The following GRM3 variants were observed in gnomAD, a reference collection of about 807,000 sequenced individuals.
GRM3 encodes the protein metabotropic glutamate receptor 3.
A neutral mutation model predicts 70.5 loss-of-function variants in GRM3; 26 were observed. That is an observed-to-expected ratio of 0.37 (90% CI 0.27 to 0.51). The LOEUF (loss-of-function observed/expected upper bound fraction) is 0.51, where lower values mean the gene tolerates loss of function less well. Ranked by LOEUF, GRM3 falls within the 20% of genes least tolerant of loss-of-function variation. GRM3 has a pLI of 0.93. For missense variants in GRM3, 859 were observed against 1,123.8 expected (o/e 0.76, Z 3.37); for synonymous variants, 443 against 434.9 (o/e 1.02, Z -0.23).
intron 2 of GRM3, among the ~76,000 whole-genome samples, chr7:86,771,575 T>G (rs1796742585): frequency 6.6e-6 from 1 of 152,150 alleles, no homozygotes; most frequent in African/African-American, 2.4e-5. Context: ...AGAACATTAT[T>G]CTATAGAACA....
At chr7:86,714,318 C>T (rs906912826) in intron 1 of GRM3, among the ~76,000 whole-genome samples, 5 of 152,052 alleles carry the variant, frequency 3.3e-5, no homozygotes, top group Admixed American at 2.0e-4. Flanking sequence ...CCCTGTGCTA[C>T]GTAAACCTTG....
chr7:86,768,288 T>C (rs1168012266), intron 2 of GRM3, among the ~76,000 whole-genome samples: 3 of 152,142 alleles, frequency 2.0e-5, no homozygotes, highest in Non-Finnish European at 4.4e-5. Flanking sequence ...TGGAAAGCCA[T>C]ATCGAAAGCT....
chr7:86,814,557 T>C (rs559186224), intron 3 of GRM3, among the ~76,000 whole-genome samples: 1 of 151,956 alleles, frequency 6.6e-6, no homozygotes, highest in Non-Finnish European at 1.5e-5. Flanking sequence ...CTTGAAGATA[T>C]AAAGCTAACT....
intron 1 of GRM3, among the ~76,000 whole-genome samples, chr7:86,667,191 G>A (rs1794049954): frequency 1.3e-5 from 2 of 152,062 alleles, no homozygotes; most frequent in South Asian, 4.1e-4. Context: ...TAACAATGCA[G>A]TACTTGCACA....
At chr7:86,743,040 T>C (rs1418369560) in intron 1 of GRM3, among the ~76,000 whole-genome samples, 1 of 152,168 alleles carries the variant, frequency 6.6e-6, no homozygotes, top group Admixed American at 6.6e-5. Flanking sequence ...AAATATCATC[T>C]GATTCATAAA....
At chr7:86,736,103 T>C (rs1795850936) in intron 1 of GRM3, among the ~76,000 whole-genome samples, 1 of 152,168 alleles carries the variant, frequency 6.6e-6, no homozygotes, top group South Asian at 2.1e-4. Flanking sequence ...TCAAATTCTG[T>C]CTGAAATGTA....
chr7:86,784,721 T>C (rs1307224282), intron 2 of GRM3: 1 of 152,212 alleles, frequency 6.6e-6, no homozygotes, highest in African/African-American at 2.4e-5. Flanking sequence ...TTCACCTCCA[T>C]TCCCCTGGAT....
rs185919851 is a variant in GRM3 at position 86,809,569 on chromosome 7, G to A, written c.1324+22453G>A. 5.1e-4 allele frequency among the ~76,000 whole-genome samples: 77 copies of A among 152,024 alleles called. No individual in the cohort carries two copies. In the East Asian group the frequency reaches 0.013, roughly 25 times the overall value. On this transcript the variant is annotated intron_variant, in intron 3 of 5. Transcript: ENST00000361669. The stretch of plus-strand genomic sequence containing the variant: ...AGCAAGGTGGCCTACTTCTTTCCCC[G>A]TAATAATTTATTATTAATGATAGGA...
intron 1 of GRM3, among the ~76,000 whole-genome samples, chr7:86,673,150 G>T (rs1034313443): frequency 2.0e-5 from 3 of 152,018 alleles, no homozygotes; most frequent in Non-Finnish European, 4.4e-5. Context: ...TTACATCAAA[G>T]GCATGACTGA....
At chr7:86,853,347 G>A (rs1207484784) in intron 5 of GRM3, among the ~76,000 whole-genome samples, 1 of 152,150 alleles carries the variant, frequency 6.6e-6, no homozygotes, top group African/African-American at 2.4e-5. Flanking sequence ...ATGGAATTGA[G>A]TTCTGTGTAT....
In GRM3 at chr7:86,834,600, T is replaced by A. The variant is rs201787328; in HGVS notation, c.1325-4239T>A. On this transcript the variant is annotated intron_variant, in intron 3 of 5. Coordinates refer to ENST00000361669, the MANE Select transcript of GRM3 (RefSeq NM_000840.3). The stretch of plus-strand genomic sequence containing the variant: ...TGCTTTCTCCATTTTTTTTTTTTTT[T>A]ATTTTCTGGTTGTTTTAGTCTCTTT... Among the ~76,000 whole-genome samples, 64 of 151,192 alleles carry A rather than the reference T, an allele frequency of 4.2e-4. 1 individual carries two copies. The East Asian group carries it at 8.5e-3, about 20-fold the overall frequency.
At chr7:86,747,915 A>G (rs1353657810) in intron 1 of GRM3, among the ~76,000 whole-genome samples, 2 of 152,022 alleles carry the variant, frequency 1.3e-5, no homozygotes, top group Middle Eastern at 3.2e-3. Context: ...ACACCCCACT[A>G]AACAGCACAG....
At chr7:86,838,473 T>A (rs542532567) in intron 3 of GRM3, among the ~76,000 whole-genome samples, 1 of 152,172 alleles carries the variant, frequency 6.6e-6, no homozygotes, top group Non-Finnish European at 1.5e-5. Flanking sequence ...GTAATAAGAA[T>A]GAGACACAAT....
At chr7:86,815,398 A>G (rs1409331392) in intron 3 of GRM3, among the ~76,000 whole-genome samples, 1 of 151,822 alleles carries the variant, frequency 6.6e-6, no homozygotes, top group Non-Finnish European at 1.5e-5. Flanking sequence ...ATAACCTTTG[A>G]CTGGTATGTT....
chr7:86,645,991 G>A (rs1793454630), intron 1 of GRM3, among the ~76,000 whole-genome samples: 1 of 22,398 alleles, frequency 4.5e-5, no homozygotes, highest in Non-Finnish European at 8.5e-5. Flanking sequence ...GGGCGGGGGG[G>A]TGGGGGTGGG....
At chr7:86,777,990 C>T (rs1399269786) in intron 2 of GRM3, among the ~76,000 whole-genome samples, 2 of 152,306 alleles carry the variant, frequency 1.3e-5, no homozygotes, top group African/African-American at 4.8e-5. Flanking sequence ...CAATGGTTCT[C>T]TTCCAGGCAC....
chr7:86,742,054 A>G (rs1033643930), intron 1 of GRM3, among the ~76,000 whole-genome samples: 5 of 152,138 alleles, frequency 3.3e-5, no homozygotes, highest in African/African-American at 9.7e-5. Flanking sequence ...ACTCATCATC[A>G]TCTGGGGCAG....
At chr7:86,767,513 TCA>T (rs1562854511) in intron 2 of GRM3, among the ~76,000 whole-genome samples, 1 of 86,316 alleles carries the variant, frequency 1.2e-5, no homozygotes, top group African/African-American at 4.1e-5. Flanking sequence ...CGGTCATACT[TCA>T]TATATATATA....
intron 1 of GRM3, among the ~76,000 whole-genome samples, chr7:86,740,732 T>C (rs563156292): frequency 2.6e-4 from 38 of 148,440 alleles, no homozygotes; most frequent in East Asian, 2.3e-3. Context: ...AAAATTAAGC[T>C]GATAACTTGA....
Sources: allele counts gnomAD v4.1 joint callset (sites outside exome capture counted in the v4.1 genomes callset), GRCh38; gene constraint gnomAD v4.1.1; transcripts MANE v1.5; gene names NCBI Gene and HGNC (gene_info 2026-07-23, HGNC 2026-07-21).